Variants in VWA5B1 observed in about 807,000 individuals in gnomAD.
The protein encoded by VWA5B1 is von Willebrand factor A domain-containing protein 5B1.
Under a neutral mutation model 118.2 loss-of-function variants are expected in VWA5B1, and 115 were observed. The ratio of observed to expected loss-of-function variants is 0.97; its 90% CI spans 0.84 to 1.14. The LOEUF is 1.14. VWA5B1 is among the 50% of genes most tolerant of loss of function. The probability of loss-of-function intolerance (pLI) is 0.00; values close to 1 mark genes in which losing one functional copy is unlikely to be tolerated. For missense variants in VWA5B1, 1,596 were observed against 1,603.8 expected, an observed-to-expected ratio of 1.00 and a Z score of 0.08; for synonymous variants, 682 against 658.4, an observed-to-expected ratio of 1.04 and a Z score of -0.55.
chr1:20,295,790 C>T (rs1221655568), intron 1 of VWA5B1, among the ~76,000 whole-genome samples: 1 of 152,108 alleles, frequency 6.6e-6, no homozygotes, highest in Non-Finnish European at 1.5e-5. Flanking sequence ...GCCGTAGTGT[C>T]CCCCCTTCCT....
In VWA5B1 at chr1:20,317,609, G is replaced by A. The variant is rs1557841857; in HGVS notation, c.643G>A (p.Val215Met). Reference protein sequence around the residue: ...LCLATLLNTEVSNPMEYEFNF... With the variant: ...LCLATLLNTEMSNPMEYEFNF... ...CCTGGCGACTCTCCTGAACACCGAA[G>A]TGTCCAACCCCATGGAGTATGAGTT... Residue 215 changes from valine (V) to methionine (M), a missense_variant, in exon 5 of 22, where the codon GTG (valine) becomes ATG (methionine). Physicochemically the swap from Val to Met is conservative, Grantham distance 21. Coordinates refer to ENST00000289815, the MANE Select transcript of VWA5B1 (RefSeq NM_001039500.3). 2.6e-6 allele frequency: 4 copies of A among 1,551,968 alleles called. No individual in the cohort carries two copies. The highest frequency in any genetic ancestry group is 3.5e-6 in the Non-Finnish European group (4 of 1,147,076).
chr1:20,350,657 A>G (rs377050374), intron 19 of VWA5B1, among the ~76,000 whole-genome samples, 200 bp from the exon 20 acceptor site: 9 of 152,360 alleles, frequency 5.9e-5, no homozygotes, highest in African/African-American at 2.2e-4. Context: ...CTTAGAGGCC[A>G]GCTTTTTACA....
chr1:20,292,174 C>T (rs1457242168), intron 1 of VWA5B1, among the ~76,000 whole-genome samples: 2 of 151,564 alleles, frequency 1.3e-5, no homozygotes, highest in African/African-American at 2.4e-5. Context: ...CTTTCCTCCC[C>T]CCCTCCTGTC....
chr1:20,344,230 T>A (rs1302266489), intron 16 of VWA5B1, among the ~76,000 whole-genome samples: 1 of 151,748 alleles, frequency 6.6e-6, no homozygotes, highest in Admixed American at 6.6e-5. Context: ...TTTCTCTCTC[T>A]TATGGGCGCC....
chr1:20,307,834 A>G (rs2088707076), intron 1 of VWA5B1, among the ~76,000 whole-genome samples: 1 of 145,698 alleles, frequency 6.9e-6, no homozygotes, highest in Non-Finnish European at 1.5e-5. Flanking sequence ...TGTAATATAG[A>G]TTTTGGTTTT....
chr1:20,348,268 T>C lies in VWA5B1; in HGVS notation c.2788T>C (p.Ser930Pro). Residue 930 changes from serine (S) to proline (P), a missense_variant, in exon 18 of 22, where the codon TCT becomes CCT. Ser to Pro is a moderately conservative substitution (Grantham distance 74). Transcript: ENST00000289815. ...NSGAALRMLG[S>P]RALAQQWRGT... ...AGGAGCTGCCCTGCGTATGCTTGGC[T>C]CTCGGGCCCTGGCCCAACAGTGGAG... 1 of 1,551,732 alleles carries C rather than the reference T, an allele frequency of 6.4e-7. No individual in the cohort carries two copies. The highest frequency in any genetic ancestry group is 8.7e-7 in the Non-Finnish European group (1 of 1,147,024).
Position 20,318,680 on chromosome 1 carries a change from A to G in VWA5B1, c.800A>G (p.His267Arg). ...KSIIITLANK[H>R]TFDRPVEILI... ...ATCATCATCACCTTGGCCAACAAGCACACCTTTGACCGGCCTGTGGAGATC... is the reference window on the plus strand; with the variant it reads ...ATCATCATCACCTTGGCCAACAAGCGCACCTTTGACCGGCCTGTGGAGATC... The change falls in exon 6 of 22, where the codon CAC becomes CGC. Residue 267 changes from histidine to arginine, a missense_variant. Transcript: ENST00000289815. 2 of 1,543,592 alleles carry G rather than the reference A, an allele frequency of 1.3e-6. No individual in the cohort carries two copies. The highest frequency in any genetic ancestry group is 1.4e-5 in the African/African-American group (1 of 73,070).
intron 4 of VWA5B1, 100 bp from the exon 5 acceptor site, chr1:20,317,427 GGGC>G: frequency 6.9e-7 from 1 of 1,450,920 alleles, no homozygotes; most frequent in South Asian, 1.4e-5. Context: ...CCCCCTTGGT[GGGC>G]TGGGCTGCCT....
chr1:20,309,439 C>T (rs2088773616), intron 1 of VWA5B1, among the ~76,000 whole-genome samples: 1 of 152,188 alleles, frequency 6.6e-6, no homozygotes, highest in Non-Finnish European at 1.5e-5. Flanking sequence ...TAGGGGGTTA[C>T]TGGTTTAAAA....
In VWA5B1 at chr1:20,337,818, G is replaced by A; in HGVS notation, c.2115G>A (p.Arg705=). ...LTNQTSLDVQ[R]WQIDLQPLLN... ...ACCAGACCAGCCTGGATGTCCAGCGGTGGCAGATTGATTTGCAGGTACCCA... is the reference window on the plus strand; with the variant it reads ...ACCAGACCAGCCTGGATGTCCAGCGATGGCAGATTGATTTGCAGGTACCCA... Residue 705 remains arginine, a synonymous_variant, in exon 14 of 22, where the codon CGG becomes CGA. Coordinates refer to ENST00000289815, the MANE Select transcript of VWA5B1 (RefSeq NM_001039500.3). 6.4e-7 allele frequency: 1 copy of A among 1,551,818 alleles called. No homozygotes were observed. Among genetic ancestry groups the A allele is most frequent in the Non-Finnish European group, 8.7e-7 (1 of 1,147,022 alleles).
At chr1:20,334,381 T>C (rs752704629) in intron 12 of VWA5B1, among the ~76,000 whole-genome samples, 2 of 152,180 alleles carry the variant, frequency 1.3e-5, no homozygotes, top group African/African-American at 2.4e-5. Flanking sequence ...AGTCATCAAA[T>C]CCATTCTCCT....
rs1393594859 is a variant in VWA5B1 at position 20,358,126 on chromosome 1, C to A, written c.*3863C>A. On this transcript the variant is annotated 3_prime_UTR_variant, in exon 22 of 22. Transcript: ENST00000289815. ...GGCACCCATGTTTCCCCAGCCAGTCCCTTCTCTGCGGGCAAAATGAATGGC... is the reference window on the plus strand; with the variant it reads ...GGCACCCATGTTTCCCCAGCCAGTCACTTCTCTGCGGGCAAAATGAATGGC... Among the ~76,000 whole-genome samples, 7 of 152,178 alleles carry A rather than the reference C, an allele frequency of 4.6e-5. No individual in the cohort carries two copies. The highest frequency in any genetic ancestry group is 5.9e-5 in the Non-Finnish European group (4 of 68,040).
At chr1:20,345,100 G>A (rs945912738) in intron 16 of VWA5B1, among the ~76,000 whole-genome samples, 1 of 152,190 alleles carries the variant, frequency 6.6e-6, no homozygotes, top group South Asian at 2.1e-4. Flanking sequence ...TTACGGCAAC[G>A]TTCCCATTAG....
Position 20,336,306 on chromosome 1 carries a change from A to G in VWA5B1, c.1762A>G (p.Lys588Glu). 6.9e-7 allele frequency: 1 copy of G among 1,448,674 alleles called. No individual in the cohort carries two copies. Among genetic ancestry groups the G allele is most frequent in the South Asian group, 1.5e-5 (1 of 64,682 alleles). 89.7% of individuals were successfully genotyped at this position (1,448,674 alleles called of 1,614,324 possible). ...TCTTTTCTGTTTCTCCCTACAGGAC[A>G]AGAGGCGCCGGTACAGCATGCTGCA... The part of the protein sequence containing the change: ...SLHISNPRSD[K>E]RRRYSMLHSQ... Residue 588 changes from lysine (K) to glutamate (E), a missense_variant, in exon 13 of 22, where the codon AAG becomes GAG. Lys to Glu is a moderately conservative substitution (Grantham distance 56). Coordinates refer to ENST00000289815, the MANE Select transcript of VWA5B1 (RefSeq NM_001039500.3).
intron 7 of VWA5B1, 133 bp downstream of exon 7, chr1:20,319,639 CA>C: frequency 7.4e-7 from 1 of 1,349,188 alleles, no homozygotes; most frequent in Non-Finnish European, 1.0e-6. Context: ...AGACACCAGG[CA>C]AGAAGTGTTT....
chr1:20,291,355 TTCTTTCTCTC>T (rs1489776438), intron 1 of VWA5B1, among the ~76,000 whole-genome samples: 5 of 69,896 alleles, frequency 7.2e-5, no homozygotes, highest in African/African-American at 3.7e-4. Context: ...CTTTCTTTCT[TTCTTTCTCTC>T]TCTCTCTCTC....
chr1:20,320,036 G>A (rs1317882922), intron 7 of VWA5B1, among the ~76,000 whole-genome samples: 5 of 152,196 alleles, frequency 3.3e-5, no homozygotes, highest in African/African-American at 1.2e-4. Flanking sequence ...GGCCAGGAAT[G>A]GGAAAGGGAA....
Position 20,354,390 on chromosome 1 carries a change from GA to G in VWA5B1, c.*128del. ...ATTTCAGTTACTAGAAAGAGCCCTG[GA>G]CTGGCAGCCAGGAGGCCTGAGTTCA... On this transcript the variant is annotated 3_prime_UTR_variant, in exon 22 of 22. Transcript: ENST00000289815. 1 of 1,260,248 alleles carries G rather than the reference GA, an allele frequency of 7.9e-7. No homozygotes were observed. Among genetic ancestry groups the G allele is most frequent in the Non-Finnish European group, 1.1e-6 (1 of 938,920 alleles). 78.1% of individuals were successfully genotyped at this position (1,260,248 alleles called of 1,614,324 possible).
chr1:20,322,773 G>T (rs542499863), intron 7 of VWA5B1, among the ~76,000 whole-genome samples: 16 of 152,296 alleles, frequency 1.1e-4, no homozygotes, highest in African/African-American at 3.9e-4. Context: ...ACTCAGTGAG[G>T]TATGTCTTCT....
Sources: allele counts gnomAD v4.1 joint callset (sites outside exome capture counted in the v4.1 genomes callset), GRCh38; gene constraint gnomAD v4.1.1; transcripts MANE v1.5; gene names NCBI Gene and HGNC (gene_info 2026-07-23, HGNC 2026-07-21).